SUGCT: variants seen among roughly 807,000 people sequenced by gnomAD.
SUGCT encodes the protein succinyl-CoA:glutarate CoA-transferase.
In SUGCT, 41 loss-of-function variants were observed where a neutral mutation model predicts 55.0. The ratio of observed to expected loss-of-function variants is 0.74; its 90% CI spans 0.58 to 0.97. The LOEUF (loss-of-function observed/expected upper bound fraction) is 0.97, where lower values mean the gene tolerates loss of function less well. Ranked by LOEUF, SUGCT falls within the 50% of genes least tolerant of loss-of-function variation. The pLI is 0.00. For synonymous variants in SUGCT, 187 were observed against 200.4 expected, an observed-to-expected ratio of 0.93 and a Z score of 0.56; for missense variants, 568 against 547.8, an observed-to-expected ratio of 1.04 and a Z score of -0.37.
At chr7:40,907,733 G>A in the SUGCT span, among the ~76,000 whole-genome samples, 22,180 of 152,090 alleles carry the variant, frequency 0.15, 1,940 homozygotes, top group African/African-American at 0.25. Context: ...AATTCTGGAG[G>A]GATCTTTAAC....
intron 10 of SUGCT, among the ~76,000 whole-genome samples, chr7:40,457,797 T>A (rs1789572173): frequency 6.6e-6 from 1 of 152,226 alleles, no homozygotes; most frequent in Non-Finnish European, 1.5e-5. Context: ...CTGATGGTGC[T>A]TTTTGGGTGA....
chr7:40,630,173 T>A (rs1799724260), intron 12 of SUGCT, among the ~76,000 whole-genome samples: 1 of 152,236 alleles, frequency 6.6e-6, no homozygotes, highest in South Asian at 2.1e-4. Flanking sequence ...GGGAAACCTG[T>A]CTCCTGTGAG....
chr7:40,258,883 C>T (rs1791022453), intron 7 of SUGCT, among the ~76,000 whole-genome samples: 1 of 152,104 alleles, frequency 6.6e-6, no homozygotes, highest in African/African-American at 2.4e-5. Flanking sequence ...TATGTGCACT[C>T]CTATGTTCAT....
At chr7:40,561,693 T>TC in intron 12 of SUGCT, among the ~76,000 whole-genome samples, 1 of 145,096 alleles carries the variant, frequency 6.9e-6, no homozygotes, top group East Asian at 2.0e-4. Flanking sequence ...CGAGTCTTTT[T>TC]TTTTTTTTTT....
At chr7:40,235,386 G>T (rs1217228553) in intron 6 of SUGCT, among the ~76,000 whole-genome samples, 1 of 152,128 alleles carries the variant, frequency 6.6e-6, no homozygotes, top group African/African-American at 2.4e-5. Context: ...GGAGTGCAGT[G>T]GCATGAACTT....
chr7:40,147,505 G>C (rs993425781), intron 1 of SUGCT, among the ~76,000 whole-genome samples: 4 of 152,190 alleles, frequency 2.6e-5, no homozygotes, highest in African/African-American at 7.2e-5. Context: ...TCCTTGGTAT[G>C]TCCTAACCAA....
In SUGCT at chr7:40,168,079, A is replaced by G. The variant is rs558299694; in HGVS notation, c.101-12868A>G. Among the ~76,000 whole-genome samples, 208 of 152,248 alleles carry G rather than the reference A, an allele frequency of 1.4e-3. 2 individuals carry two copies. The Middle Eastern group carries it at 0.017, about 12-fold the overall frequency. On this transcript the variant is annotated intron_variant, in intron 1 of 13. Transcript: ENST00000335693. Reference sequence around the variant, plus strand: ...ACCTCCTGCTTTTAGCCTAATTTGTATTTTAGTGAGCCCTCTTTACTACCT... The same window carrying G: ...ACCTCCTGCTTTTAGCCTAATTTGTGTTTTAGTGAGCCCTCTTTACTACCT...
chr7:40,839,256 T>C (rs1460687226), intron 13 of SUGCT, among the ~76,000 whole-genome samples: 1 of 152,174 alleles, frequency 6.6e-6, no homozygotes, highest in Non-Finnish European at 1.5e-5. Flanking sequence ...TATTTTTATT[T>C]TTTAGAGACA....
At chr7:40,587,908 T>G (rs1487535470) in intron 12 of SUGCT, among the ~76,000 whole-genome samples, 3 of 150,966 alleles carry the variant, frequency 2.0e-5, no homozygotes, top group Non-Finnish European at 4.4e-5. Context: ...TTTCTGTTTT[T>G]TTTTTTTTTT....
rs1784693185 is a variant in SUGCT, at chr7:40,378,101, T to C, written c.816+61246T>C. 2.6e-5 allele frequency among the ~76,000 whole-genome samples: 3 copies of C among 115,372 alleles called. No individual in the cohort carries two copies. The Admixed American group carries it at 3.1e-4, about 12-fold the overall frequency. 75.7% of individuals were successfully genotyped at this position (115,372 alleles called of 152,430 possible). A position where few individuals can be genotyped will look rare whatever the true frequency, so the allele number is the denominator to read the frequency against. Reference sequence around the variant, plus strand: ...CACCTTGGAGTTAATTGAGCTTCTTTGATGTGTAGGATATTTTTTTTTTCC... The same window carrying C: ...CACCTTGGAGTTAATTGAGCTTCTTCGATGTGTAGGATATTTTTTTTTTCC... On this transcript the variant is annotated intron_variant, in intron 9 of 13. Transcript: ENST00000335693.
At chr7:40,943,720 A>G in the SUGCT span, among the ~76,000 whole-genome samples, 2 of 151,354 alleles carry the variant, frequency 1.3e-5, no homozygotes, top group Non-Finnish European at 2.9e-5. Context: ...TGCTATTGTG[A>G]ATAGTGCCGC....
intron 6 of SUGCT, among the ~76,000 whole-genome samples, chr7:40,231,486 G>T (rs1179069456): frequency 6.6e-6 from 1 of 152,166 alleles, no homozygotes; most frequent in African/African-American, 2.4e-5. Context: ...ATTCCTAGGA[G>T]TCTATGTTAG....
chr7:40,306,704 GA>G (rs1200536632), intron 8 of SUGCT, among the ~76,000 whole-genome samples: 1 of 152,152 alleles, frequency 6.6e-6, no homozygotes, highest in Non-Finnish European at 1.5e-5. Context: ...GCTATCACAG[GA>G]ATAAATAAGC....
chr7:40,838,998 G>C (rs1315621341), intron 13 of SUGCT, among the ~76,000 whole-genome samples: 2 of 139,252 alleles, frequency 1.4e-5, no homozygotes, highest in Non-Finnish European at 3.1e-5. Flanking sequence ...TACCTTTTCT[G>C]CATCAATTGA....
intron 9 of SUGCT, among the ~76,000 whole-genome samples, chr7:40,406,548 G>A (rs1358164716): frequency 2.6e-5 from 4 of 152,138 alleles, no homozygotes; most frequent in Non-Finnish European, 5.9e-5. Context: ...GATGGAGACA[G>A]GTCAGATTTC....
At chr7:40,597,283 A>G (rs1798061786) in intron 12 of SUGCT, among the ~76,000 whole-genome samples, 1 of 152,184 alleles carries the variant, frequency 6.6e-6, no homozygotes. Flanking sequence ...TCAGCAAAAC[A>G]TCTTGGAGAT....
In SUGCT at chr7:40,477,394, T is replaced by C. The variant is rs1562804349; in HGVS notation, c.986+18196T>C. Among the ~76,000 whole-genome samples, 2 of 152,126 alleles carry C rather than the reference T, an allele frequency of 1.3e-5. 1 individual carries two copies. The highest frequency in any genetic ancestry group is 1.3e-4 in the Admixed American group (2 of 15,256). The stretch of plus-strand genomic sequence containing the variant: ...TCCAAAAGTGACTTCTTTCTGAATG[T>C]AGTAGTATTTCCTGGAAGAGCACTT... On this transcript the variant is annotated intron_variant, in intron 11 of 13. Coordinates refer to ENST00000335693, the MANE Select transcript of SUGCT (RefSeq NM_001193313.2).
chr7:40,510,311 T>TTA (rs1348849962), intron 12 of SUGCT, among the ~76,000 whole-genome samples: 1 of 152,132 alleles, frequency 6.6e-6, no homozygotes, highest in Non-Finnish European at 1.5e-5. Context: ...GAGGAATGAA[T>TTA]GGTTAGCTTG....
intron 9 of SUGCT, among the ~76,000 whole-genome samples, chr7:40,395,298 G>A (rs920735207): frequency 1.4e-4 from 21 of 152,018 alleles, no homozygotes; most frequent in African/African-American, 5.1e-4. Flanking sequence ...AGACTAGCCT[G>A]GTCAACATGG....
Sources: gnomAD v4.1 joint callset for allele counts (sites outside exome capture counted in the v4.1 genomes callset) on GRCh38, gnomAD v4.1.1 for gene constraint, MANE v1.5 for transcripts, NCBI Gene and HGNC (gene_info 2026-07-23, HGNC 2026-07-21) for gene names.